Variants in ME1 observed in about 807,000 individuals in gnomAD.
The protein encoded by ME1 is NADP-dependent malic enzyme.
A neutral mutation model predicts 66.4 loss-of-function variants in ME1; 74 were observed. The observed-to-expected ratio is 1.11, with a 90% CI of 0.92 to 1.35. The LOEUF (loss-of-function observed/expected upper bound fraction) is 1.35, where lower values mean the gene tolerates loss of function less well. Among genes scored for constraint, ME1 ranks in the 40% most tolerant of loss-of-function variants. The pLI, the probability that ME1 is intolerant of heterozygous loss-of-function variation, is 0.00. For synonymous variants in ME1, 251 were observed against 235.6 expected (o/e 1.07, Z -0.60); for missense variants, 750 against 694.1 (o/e 1.08, Z -0.90).
At chr6:83,383,167 C>A (rs1035559743) in intron 3 of ME1, among the ~76,000 whole-genome samples, 8 of 151,740 alleles carry the variant, frequency 5.3e-5, no homozygotes, top group Non-Finnish European at 1.0e-4. Flanking sequence ...CACATATATA[C>A]TATTGGTTTT....
At chr6:83,347,408 C>T (rs975191814) in intron 4 of ME1, among the ~76,000 whole-genome samples, 3 of 152,096 alleles carry the variant, frequency 2.0e-5, no homozygotes, top group Non-Finnish European at 4.4e-5. Context: ...TTATGAAACA[C>T]AATTTATTAG....
chr6:83,290,547 A>T (rs766502007), intron 6 of ME1, among the ~76,000 whole-genome samples: 24 of 152,168 alleles, frequency 1.6e-4, no homozygotes, highest in Non-Finnish European at 3.1e-4. Flanking sequence ...ACTTCCAATT[A>T]TGTGGTCAAT....
rs1768011237 is a variant in ME1 at position 83,315,368 on chromosome 6, C to T, written c.646G>A (p.Val216Ile). 1.9e-6 allele frequency: 3 copies of T among 1,612,430 alleles called. No individual in the cohort carries two copies. Among genetic ancestry groups the T allele is most frequent in the Non-Finnish European group, 2.5e-6 (3 of 1,179,194 alleles). The change falls in exon 6 of 14, where the codon GTA becomes ATA. Residue 216 changes from valine to isoleucine, a missense_variant. Transcript: ENST00000369705. ...PLYIGLRQRR[V>I]RGSEYDDFLD... ...AAATCATCATATTCAGAACCTCTTACTCTTCTCTGCCGTAGTCCAATGTAG... is the reference window on the plus strand; with the variant it reads ...AAATCATCATATTCAGAACCTCTTATTCTTCTCTGCCGTAGTCCAATGTAG...
intron 6 of ME1, among the ~76,000 whole-genome samples, chr6:83,260,513 T>C (rs1211494607): frequency 6.6e-6 from 1 of 152,192 alleles, no homozygotes. Context: ...GATTATTTTA[T>C]CACCTAGATG....
At chr6:83,331,795 C>G (rs1768416589) in intron 5 of ME1, among the ~76,000 whole-genome samples, 1 of 151,908 alleles carries the variant, frequency 6.6e-6, no homozygotes, top group Non-Finnish European at 1.5e-5. Flanking sequence ...GTCTATGGCT[C>G]TTTGTTACAA....
chr6:83,430,780 C>T, intron 1 of ME1, 97 bp downstream of exon 1: 4 of 1,081,002 alleles, frequency 3.7e-6, no homozygotes, highest in Non-Finnish European at 4.0e-6. Flanking sequence ...CCCAGGGGAG[C>T]GGCGGAGGGG....
chr6:83,344,907 TAATA>T (rs546291247), intron 5 of ME1, among the ~76,000 whole-genome samples: 318 of 151,768 alleles, frequency 2.1e-3, no homozygotes, highest in African/African-American at 7.3e-3. Flanking sequence ...AATAAAATAA[TAATA>T]AATAAACTAT....
intron 1 of ME1, among the ~76,000 whole-genome samples, chr6:83,411,729 T>C (rs1236257154): frequency 1.3e-5 from 2 of 152,218 alleles, no homozygotes; most frequent in African/African-American, 4.8e-5. Context: ...GTCTTTCATG[T>C]AGTTGAAGAT....
intron 6 of ME1, among the ~76,000 whole-genome samples, chr6:83,292,900 C>A (rs1440063308): frequency 6.6e-6 from 1 of 152,210 alleles, no homozygotes; most frequent in Non-Finnish European, 1.5e-5. Context: ...CGATCTCAGA[C>A]TGCTGTGCTA....
At chr6:83,355,684 C>T (rs114887689) in intron 3 of ME1, among the ~76,000 whole-genome samples, 142 of 152,048 alleles carry the variant, frequency 9.3e-4, no homozygotes, top group African/African-American at 3.1e-3. Flanking sequence ...AATTAGAAAC[C>T]GAATGAGATA....
At chr6:83,340,621 G>A (rs916516291) in intron 5 of ME1, among the ~76,000 whole-genome samples, 1 of 151,748 alleles carries the variant, frequency 6.6e-6, no homozygotes, top group African/African-American at 2.4e-5. Flanking sequence ...CCACTAGTAA[G>A]TGGTGAAACT....
chr6:83,344,432 A>C (rs1768648258), intron 5 of ME1, among the ~76,000 whole-genome samples: 1 of 152,186 alleles, frequency 6.6e-6, no homozygotes, highest in Non-Finnish European at 1.5e-5. Context: ...GTAAACAAAA[A>C]AGTAGCTGGC....
rs561021439 is a variant in ME1, at chr6:83,266,567, A to C, written c.705-12829T>G. ...AATGCCAGTATTATTGTCTAACACTAATCAAAATTAAATACTAATTAAAAT... is the reference window on the plus strand; with the variant it reads ...AATGCCAGTATTATTGTCTAACACTCATCAAAATTAAATACTAATTAAAAT... On this transcript the variant is annotated intron_variant, in intron 6 of 13. Transcript: ENST00000369705. Among the ~76,000 whole-genome samples, 10 of 152,314 alleles carry C rather than the reference A, an allele frequency of 6.6e-5. No individual in the cohort carries two copies. The East Asian group carries it at 1.9e-3, about 29-fold the overall frequency.
chr6:83,384,171 C>T (rs973872179), intron 3 of ME1, among the ~76,000 whole-genome samples: 2 of 151,804 alleles, frequency 1.3e-5, no homozygotes, highest in African/African-American at 4.9e-5. Context: ...GGTTTATTTT[C>T]CTTTGGGTAT....
chr6:83,326,137 A>G (rs190851781), intron 5 of ME1, among the ~76,000 whole-genome samples: 94 of 152,290 alleles, frequency 6.2e-4, no homozygotes, highest in African/African-American at 2.2e-3. Context: ...CCTGACAAAA[A>G]CAAGCAACGG....
intron 6 of ME1, among the ~76,000 whole-genome samples, chr6:83,292,959 G>C (rs1225930027): frequency 6.6e-6 from 1 of 152,192 alleles, no homozygotes; most frequent in Non-Finnish European, 1.5e-5. Flanking sequence ...CCAGGCATGG[G>C]AGGGGATCTC....
intron 6 of ME1, among the ~76,000 whole-genome samples, chr6:83,262,409 T>C (rs79296013): frequency 6.6e-6 from 1 of 152,318 alleles, no homozygotes; most frequent in East Asian, 1.9e-4. Context: ...ATAAACTCCA[T>C]GTGCAAACTT....
intron 3 of ME1, among the ~76,000 whole-genome samples, chr6:83,369,408 G>A (rs1769153588): frequency 6.6e-6 from 1 of 152,046 alleles, no homozygotes; most frequent in South Asian, 2.1e-4. Context: ...GTTTTTCCAA[G>A]TCAATGACCT....
intron 3 of ME1, among the ~76,000 whole-genome samples, chr6:83,358,207 CT>C (rs1768936252): frequency 2.0e-5 from 3 of 151,560 alleles, no homozygotes. Flanking sequence ...ACTCATAGTC[CT>C]TGGCGTGAAC....
Sources: allele counts gnomAD v4.1 joint callset (sites outside exome capture counted in the v4.1 genomes callset), GRCh38; gene constraint gnomAD v4.1.1; transcripts MANE v1.5; gene names NCBI Gene and HGNC (gene_info 2026-07-23, HGNC 2026-07-21).